The following NRXN1 variants were observed in gnomAD, a reference collection of about 807,000 sequenced individuals.
The protein encoded by NRXN1 is neurexin 1.
Under a neutral mutation model 150.9 loss-of-function variants are expected in NRXN1, and 39 were observed. That is an observed-to-expected ratio of 0.26 (90% CI 0.20 to 0.34). The LOEUF is 0.34. Among genes scored for constraint, NRXN1 ranks in the 10% least tolerant of loss-of-function variants. The probability of loss-of-function intolerance (pLI) is 1.00; values close to 1 mark genes in which losing one functional copy is unlikely to be tolerated. For missense variants in NRXN1, 1,815 were observed against 1,949.9 expected (o/e 0.93, Z 1.30); for synonymous variants, 924 against 757.0 (o/e 1.22, Z -3.62).
intron 5 of NRXN1, among the ~76,000 whole-genome samples, chr2:50,815,569 T>C (rs1330370092): frequency 1.3e-5 from 2 of 152,188 alleles, no homozygotes; most frequent in Non-Finnish European, 2.9e-5. Context: ...TACCCATATG[T>C]CTATTTCAGA....
At chr2:50,976,471 C>G (rs1695861259) in intron 2 of NRXN1, among the ~76,000 whole-genome samples, 3 of 151,824 alleles carry the variant, frequency 2.0e-5, no homozygotes, top group African/African-American at 4.8e-5. Context: ...TTATCCTTCC[C>G]CCACCCTAAA....
At chr2:50,263,804 G>T (rs2068561407) in intron 17 of NRXN1, among the ~76,000 whole-genome samples, 1 of 152,090 alleles carries the variant, frequency 6.6e-6, no homozygotes, top group African/African-American at 2.4e-5. Context: ...TTAGAGGGTG[G>T]CAGCTACATT....
At chr2:50,587,556 G>A (rs755559523) in intron 8 of NRXN1, among the ~76,000 whole-genome samples, 6 of 152,146 alleles carry the variant, frequency 3.9e-5, no homozygotes, top group Non-Finnish European at 5.9e-5. Context: ...CATACCATCG[G>A]TGATATGCTA....
intron 17 of NRXN1, among the ~76,000 whole-genome samples, chr2:50,423,440 C>A (rs570577430): frequency 6.6e-6 from 1 of 152,010 alleles, no homozygotes. Flanking sequence ...GCTTTGTGTC[C>A]TCAATGGGCC....
chr2:50,733,519 C>T (rs1378398312), intron 5 of NRXN1, among the ~76,000 whole-genome samples: 1 of 152,100 alleles, frequency 6.6e-6, no homozygotes, highest in African/African-American at 2.4e-5. Flanking sequence ...TCTCTGCAGA[C>T]TTTCTGTTTT....
chr2:50,539,016 C>T (rs972488122), intron 9 of NRXN1, among the ~76,000 whole-genome samples: 1 of 152,278 alleles, frequency 6.6e-6, no homozygotes, highest in South Asian at 2.1e-4. Flanking sequence ...GTTTTCAAAG[C>T]CAATATTCAA....
At chr2:50,097,564 G>T (rs1700395947) in intron 18 of NRXN1, among the ~76,000 whole-genome samples, 1 of 152,070 alleles carries the variant, frequency 6.6e-6, no homozygotes, top group Admixed American at 6.6e-5. Flanking sequence ...ATGCAACACT[G>T]CAGACAGTAT....
At chr2:49,986,946 T>C (rs772290199) in intron 21 of NRXN1, among the ~76,000 whole-genome samples, 2 of 152,066 alleles carry the variant, frequency 1.3e-5, no homozygotes, top group Non-Finnish European at 2.9e-5. Flanking sequence ...ACACCTGCAG[T>C]TCCAGTTACT....
intron 2 of NRXN1, among the ~76,000 whole-genome samples, chr2:50,935,964 T>C (rs960159599): frequency 1.3e-5 from 2 of 152,170 alleles, no homozygotes; most frequent in Non-Finnish European, 2.9e-5. Flanking sequence ...ATATCTTTAA[T>C]GATTATAGAA....
At chr2:50,148,796 C>T (rs1176587443) in intron 18 of NRXN1, among the ~76,000 whole-genome samples, 1 of 151,670 alleles carries the variant, frequency 6.6e-6, no homozygotes, top group Non-Finnish European at 1.5e-5. Flanking sequence ...ACCAGCCATT[C>T]TAAGCCTGCC....
intron 2 of NRXN1, among the ~76,000 whole-genome samples, chr2:50,952,697 T>C (rs1575037849): frequency 6.6e-6 from 1 of 152,164 alleles, no homozygotes; most frequent in African/African-American, 2.4e-5. Context: ...TGTGGTGGGA[T>C]AAATAGATCA....
At chr2:50,970,399 T>C (rs1694819043) in intron 2 of NRXN1, among the ~76,000 whole-genome samples, 1 of 152,128 alleles carries the variant, frequency 6.6e-6, no homozygotes, top group African/African-American at 2.4e-5. Flanking sequence ...AACCGTATAT[T>C]TTGTATTATC....
At position 50,472,281 on chromosome 2, in the gene NRXN1, T is replaced by G. The variant is rs2089554604; in HGVS notation, c.3244+17A>C. ...GGAATTAGAATTATTTAGAGCATGA[T>G]GACAAAAATCTAATACCTTCACATC... On this transcript the variant is annotated intron_variant, in intron 16 of 22. Transcript: ENST00000401669. 1 of 1,527,110 alleles carries G rather than the reference T, an allele frequency of 6.5e-7. No individual in the cohort carries two copies. Among genetic ancestry groups the G allele is most frequent in the Admixed American group, 2.0e-5 (1 of 50,356 alleles). 94.6% of individuals were successfully genotyped at this position (1,527,110 alleles called of 1,614,324 possible).
intron 5 of NRXN1, among the ~76,000 whole-genome samples, chr2:50,815,347 G>C (rs1668780923): frequency 6.6e-6 from 1 of 152,058 alleles, no homozygotes; most frequent in Admixed American, 6.6e-5. Flanking sequence ...TTAGAATGAT[G>C]CATTTTAAAC....
At chr2:50,143,597 T>C (rs1438184267) in intron 18 of NRXN1, among the ~76,000 whole-genome samples, 1 of 152,002 alleles carries the variant, frequency 6.6e-6, no homozygotes, top group Non-Finnish European at 1.5e-5. Context: ...CAGATTAATC[T>C]TCCTTTAAAA....
intron 17 of NRXN1, among the ~76,000 whole-genome samples, chr2:50,388,201 T>A (rs2081451041): frequency 6.6e-6 from 1 of 152,190 alleles, no homozygotes; most frequent in Non-Finnish European, 1.5e-5. Flanking sequence ...ATGCCATTCA[T>A]AATACAGTGA....
intron 17 of NRXN1, among the ~76,000 whole-genome samples, chr2:50,392,958 T>C (rs976110998): frequency 6.6e-6 from 1 of 152,092 alleles, no homozygotes; most frequent in African/African-American, 2.4e-5. Flanking sequence ...CAACAGATTT[T>C]ACTTTAAATC....
chr2:51,008,952 T>C (rs1667442509), intron 2 of NRXN1, among the ~76,000 whole-genome samples: 1 of 151,768 alleles, frequency 6.6e-6, no homozygotes, highest in Non-Finnish European at 1.5e-5. Flanking sequence ...GAAACAAAAA[T>C]CTGAGCTGTA....
intron 5 of NRXN1, among the ~76,000 whole-genome samples, chr2:50,642,355 T>A (rs1009846384): frequency 6.6e-6 from 1 of 151,986 alleles, no homozygotes; most frequent in African/African-American, 2.4e-5. Context: ...ACAAGGCAAA[T>A]CTTAGATAAC....
Sources: allele counts gnomAD v4.1 joint callset (sites outside exome capture counted in the v4.1 genomes callset), GRCh38; gene constraint gnomAD v4.1.1; transcripts MANE v1.5; gene names NCBI Gene and HGNC (gene_info 2026-07-23, HGNC 2026-07-21).